TIA1: variants seen among roughly 807,000 people sequenced by gnomAD.
TIA1 encodes the protein cytotoxic granule associated RNA binding protein TIA1.
A neutral mutation model predicts 65.9 loss-of-function variants in TIA1; 23 were observed. The observed-to-expected ratio is 0.35, with a 90% CI of 0.25 to 0.49. The LOEUF (loss-of-function observed/expected upper bound fraction) is 0.49, where lower values mean the gene tolerates loss of function less well. Among genes scored for constraint, TIA1 ranks in the 20% least tolerant of loss-of-function variants. The pLI is 0.98. For synonymous variants in TIA1, 147 were observed against 149.4 expected (o/e 0.98, Z 0.12); for missense variants, 371 against 477.9 (o/e 0.78, Z 2.09).
At chr2:70,223,047 T>C (rs1683562752) in intron 7 of TIA1, among the ~76,000 whole-genome samples, 1 of 152,252 alleles carries the variant, frequency 6.6e-6, no homozygotes, top group Admixed American at 6.5e-5. Flanking sequence ...TTGACTCTAG[T>C]TCATACTAAA....
chr2:70,228,334 A>G, intron 5 of TIA1: 2 of 1,283,214 alleles, frequency 1.6e-6, no homozygotes, highest in South Asian at 1.3e-5. Flanking sequence ...AAGAACAATC[A>G]AAGAAATACC....
Position 70,215,431 on chromosome 2 carries a change from A to G in TIA1, c.828T>C (p.Gly276=). The G allele has an allele frequency of 1.2e-6, 2 of 1,613,984 alleles. No homozygotes were observed. Among genetic ancestry groups the G allele is most frequent in the Non-Finnish European group, 1.7e-6 (2 of 1,179,894 alleles). Residue 276 remains glycine (G), a synonymous_variant, in exon 11 of 13, where the codon GGT becomes GGC. Coordinates refer to ENST00000433529, the MANE Select transcript of TIA1 (RefSeq NM_022173.4). ...IVSVNGTTIE[G]HVVKCYWGKE... The stretch of plus-strand genomic sequence containing the variant: ...TGCCCCAATAGCATTTCACAACATG[A>G]CCTTCAATGGTAGTACCATTAACAG...
chr2:70,220,191 T>A (rs1680643346), intron 7 of TIA1, among the ~76,000 whole-genome samples: 1 of 152,028 alleles, frequency 6.6e-6, no homozygotes, highest in South Asian at 2.1e-4. Flanking sequence ...AGGTGGATCA[T>A]GAGCCCAGGA....
intron 7 of TIA1, 38 bp from the exon 8 acceptor site, chr2:70,217,032 T>C: frequency 6.4e-7 from 1 of 1,566,260 alleles, no homozygotes; most frequent in Non-Finnish European, 8.6e-7. Context: ...AAGAAGTCAC[T>C]ATTAGTTGAT....
intron 5 of TIA1, 174 bp downstream of exon 5, chr2:70,228,885 C>A: frequency 1.2e-5 from 18 of 1,446,706 alleles, no homozygotes; most frequent in Admixed American, 2.8e-5. Flanking sequence ...ACCAAAGTAG[C>A]GGACAAGTTA....
intron 1 of TIA1, among the ~76,000 whole-genome samples, chr2:70,241,116 A>G (rs1041439458): frequency 2.0e-5 from 3 of 152,136 alleles, no homozygotes; most frequent in Non-Finnish European, 2.9e-5. Context: ...AGGGTATCTG[A>G]ATAGCCTCAA....
chr2:70,218,803 AT>A (rs1254265971), intron 7 of TIA1, among the ~76,000 whole-genome samples: 1 of 152,264 alleles, frequency 6.6e-6, no homozygotes, highest in Admixed American at 6.5e-5. Flanking sequence ...AAGATACTTT[AT>A]GAAACTTGTG....
At chr2:70,222,654 G>A (rs933654211) in intron 7 of TIA1, among the ~76,000 whole-genome samples, 3 of 152,222 alleles carry the variant, frequency 2.0e-5, no homozygotes, top group African/African-American at 4.8e-5. Context: ...AGTGGCTCAC[G>A]CCTGTAATCC....
intron 12 of TIA1, among the ~76,000 whole-genome samples, chr2:70,213,136 C>G (rs1681736153): frequency 6.6e-6 from 1 of 152,068 alleles, no homozygotes; most frequent in South Asian, 2.1e-4. Context: ...ATAGAAAAAC[C>G]TAACCCCATT....
Position 70,212,853 on chromosome 2 carries a change from A to G in TIA1, c.1035-8T>C. On this transcript the variant is annotated splice_region_variant and splice_polypyrimidine_tract_variant and intron_variant, in intron 12 of 12. Coordinates refer to ENST00000433529, the MANE Select transcript of TIA1 (RefSeq NM_022173.4). ...GCAGAAGACTGTGTCTGACTGGTGG[A>G]GAATGTGAAAGAAGCAGAGGGGAGA... 3 of 1,593,766 alleles carry G rather than the reference A, an allele frequency of 1.9e-6. No homozygotes were observed. Among genetic ancestry groups the G allele is most frequent in the Non-Finnish European group, 2.6e-6 (3 of 1,161,610 alleles).
rs114427767 is a variant in TIA1 at position 70,247,629 on chromosome 2, T to C, written c.26+776A>G. ...TATCCACGCTCCGGTAATTTAACGCTATCTCTAAAAATTCTCTGTAAATAT... is the reference window on the plus strand; with the variant it reads ...TATCCACGCTCCGGTAATTTAACGCCATCTCTAAAAATTCTCTGTAAATAT... On this transcript the variant is annotated intron_variant, in intron 1 of 12. Coordinates refer to ENST00000433529, the MANE Select transcript of TIA1 (RefSeq NM_022173.4). Among the ~76,000 whole-genome samples the C allele has an allele frequency of 1.6e-3, 244 of 152,192 alleles. 2 individuals carry two copies. The highest frequency in any genetic ancestry group is 5.6e-3 in the African/African-American group (233 of 41,468).
chr2:70,213,737 C>T (rs1478515007), intron 12 of TIA1, among the ~76,000 whole-genome samples: 5 of 151,680 alleles, frequency 3.3e-5, no homozygotes, highest in African/African-American at 9.7e-5. Context: ...CTGCAACCTC[C>T]GCCTCCCAGG....
chr2:70,235,480 T>C (rs1688417565), intron 2 of TIA1, among the ~76,000 whole-genome samples: 1 of 151,962 alleles, frequency 6.6e-6, no homozygotes, highest in Non-Finnish European at 1.5e-5. Context: ...ATGGGGTAAA[T>C]GTTCCCTAAA....
At chr2:70,225,430 G>GT in intron 6 of TIA1, 1 of 1,285,254 alleles carries the variant, frequency 7.8e-7, no homozygotes, top group Non-Finnish European at 1.0e-6. Flanking sequence ...TTGAGATTGA[G>GT]TAAAAACCCA....
chr2:70,248,422 G>A lies in TIA1; in HGVS notation c.9C>T (p.Asp3=). Residue 3 remains aspartate, a synonymous_variant, in exon 1 of 13, where the codon GAC becomes GAT. Coordinates refer to ENST00000433529, the MANE Select transcript of TIA1 (RefSeq NM_022173.4). ...AGACTCACAGAGTCTTGGGCATCTC[G>A]TCCTCCATGGCTGCTGCTGTCGCGG... is the stretch of plus-strand genomic sequence containing the variant. ME[D]EMPKTLYVGN... 6.2e-7 allele frequency: 1 copy of A among 1,600,628 alleles called. No individual in the cohort carries two copies. Among genetic ancestry groups the A allele is most frequent in the Non-Finnish European group, 8.5e-7 (1 of 1,179,936 alleles).
intron 7 of TIA1, among the ~76,000 whole-genome samples, chr2:70,221,420 T>C (rs1359329633): frequency 1.3e-5 from 2 of 151,822 alleles, no homozygotes; most frequent in Non-Finnish European, 2.9e-5. Flanking sequence ...CAGTGAGCTA[T>C]GATCACACCA....
intron 7 of TIA1, among the ~76,000 whole-genome samples, chr2:70,222,371 T>G (rs1681831892): frequency 6.6e-6 from 1 of 152,190 alleles, no homozygotes; most frequent in African/African-American, 2.4e-5. Context: ...CTAAAGTGTG[T>G]GACCATTAAA....
At chr2:70,242,832 T>C (rs1692507255) in intron 1 of TIA1, among the ~76,000 whole-genome samples, 1 of 152,068 alleles carries the variant, frequency 6.6e-6, no homozygotes, top group Non-Finnish European at 1.5e-5. Flanking sequence ...TATGAGAATT[T>C]ATCTAATGCC....
At chr2:70,226,419 T>C (rs1169073622) in intron 6 of TIA1, among the ~76,000 whole-genome samples, 1 of 152,182 alleles carries the variant, frequency 6.6e-6, no homozygotes, top group African/African-American at 2.4e-5. Context: ...CTGTTCACAA[T>C]GTTAGAAAAT....
Sources: allele counts gnomAD v4.1 joint callset (sites outside exome capture counted in the v4.1 genomes callset), GRCh38; gene constraint gnomAD v4.1.1; transcripts MANE v1.5; gene names NCBI Gene and HGNC (gene_info 2026-07-23, HGNC 2026-07-21).